The following MGRN1 variants were observed in gnomAD, a reference collection of about 807,000 sequenced individuals.
The protein encoded by MGRN1 is mahogunin ring finger 1.
In MGRN1, 29 loss-of-function variants were observed where a neutral mutation model predicts 69.2. The observed-to-expected ratio is 0.42, with a 90% confidence interval of 0.31 to 0.57. The LOEUF is 0.57. Ranked by LOEUF, MGRN1 falls within the 20% of genes least tolerant of loss-of-function variation. The pLI is 0.15. For synonymous variants in MGRN1, 470 were observed against 344.2 expected, an observed-to-expected ratio of 1.37 and a Z score of -4.04; for missense variants, 998 against 796.2, an observed-to-expected ratio of 1.25 and a Z score of -3.05.
rs1487334888 is a variant in MGRN1 at position 4,689,693 on chromosome 16, G to C, written c.*785G>C. 1.3e-5 allele frequency: 2 copies of C among 152,142 alleles called. No individual in the cohort carries two copies. Among genetic ancestry groups the C allele is most frequent in the African/African-American group, 4.8e-5 (2 of 41,418 alleles). The allele number at this position is 152,142 out of a possible 1,614,324, so 9.4% of individuals were successfully genotyped here. A position where few individuals can be genotyped will look rare whatever the true frequency, so the allele number is the denominator to read the frequency against. On this transcript the variant is annotated 3_prime_UTR_variant, in exon 17 of 17. Coordinates refer to ENST00000262370, the MANE Select transcript of MGRN1 (RefSeq NM_015246.4). The stretch of plus-strand genomic sequence containing the variant: ...AGGTGCAGGGGCTTCTGTTTGGCAG[G>C]CCCCTGCCAGGGAGGACCTGGTGGC...
At chr16:4,650,668 C>A (rs2078385416) in intron 2 of MGRN1, 185 bp downstream of exon 2, 2 of 481,014 alleles carry the variant, frequency 4.2e-6, no homozygotes, top group Admixed American at 4.0e-5. Context: ...TGTCCTGGTG[C>A]TGCCCCCTAG....
intron 5 of MGRN1, among the ~76,000 whole-genome samples, chr16:4,658,378 A>G (rs1273560351): frequency 1.3e-5 from 2 of 151,930 alleles, no homozygotes; most frequent in Non-Finnish European, 2.9e-5. Context: ...TACTAAAAAT[A>G]CAAAAAAATT....
intron 3 of MGRN1, 136 bp downstream of exon 3, chr16:4,652,187 G>A: frequency 2.6e-6 from 2 of 757,604 alleles, no homozygotes; most frequent in South Asian, 1.8e-5. Context: ...GGAATGAGAG[G>A]CTGTCCTGGG....
intron 10 of MGRN1, chr16:4,676,835 C>T (rs1337070097): frequency 6.6e-6 from 1 of 152,610 alleles, no homozygotes; most frequent in Non-Finnish European, 1.5e-5. Context: ...CTGTGCCCCT[C>T]AGCTTCCCCA....
intron 1 of MGRN1, among the ~76,000 whole-genome samples, chr16:4,646,428 A>C (rs957314569): frequency 6.7e-6 from 1 of 150,086 alleles, no homozygotes; most frequent in Non-Finnish European, 1.5e-5. Flanking sequence ...GTCTCAAAAA[A>C]AAAAAAAGCT....
At chr16:4,688,368 C>T (rs1035158182) in intron 16 of MGRN1, 38 of 998,134 alleles carry the variant, frequency 3.8e-5, no homozygotes, top group Non-Finnish European at 4.5e-5. Context: ...CGGGCTTGTT[C>T]TCACCCAGGG....
chr16:4,660,801 C>T (rs975697964), intron 5 of MGRN1, among the ~76,000 whole-genome samples: 1 of 152,150 alleles, frequency 6.6e-6, no homozygotes, highest in African/African-American at 2.4e-5. Flanking sequence ...AGGAAACAGG[C>T]TCACAAGGGG....
intron 1 of MGRN1, among the ~76,000 whole-genome samples, chr16:4,630,227 C>A (rs1482387837): frequency 6.6e-6 from 1 of 151,204 alleles, no homozygotes; most frequent in Non-Finnish European, 1.5e-5. Context: ...CAGCATGTGC[C>A]TGTAGTCCCA....
chr16:4,687,789 C>T (rs2079366300), intron 16 of MGRN1: 3 of 985,352 alleles, frequency 3.0e-6, no homozygotes, highest in Admixed American at 6.1e-5. Context: ...GGCCCTTTCC[C>T]CTTGGGTGGA....
chr16:4,655,490 G>T (rs953580768), intron 4 of MGRN1, among the ~76,000 whole-genome samples: 1 of 151,494 alleles, frequency 6.6e-6, no homozygotes, highest in African/African-American at 2.4e-5. Flanking sequence ...CAGTGCCACT[G>T]TCCCCCTCTG....
intron 10 of MGRN1, among the ~76,000 whole-genome samples, chr16:4,676,579 A>T (rs1185014982): frequency 6.6e-6 from 1 of 152,184 alleles, no homozygotes; most frequent in South Asian, 2.1e-4. Context: ...TGCTGTTCTC[A>T]GTAGAAATTG....
intron 1 of MGRN1, among the ~76,000 whole-genome samples, chr16:4,647,116 T>C (rs1024576907): frequency 2.6e-5 from 4 of 152,254 alleles, no homozygotes; most frequent in Admixed American, 2.0e-4. Flanking sequence ...CTTGCCGTGC[T>C]GCTGTGGCCC....
chr16:4,628,429 C>A lies in MGRN1; in HGVS notation c.88+3381C>A, dbSNP rs892800924. On this transcript the variant is annotated intron_variant, in intron 1 of 16. Coordinates refer to ENST00000262370, the MANE Select transcript of MGRN1 (RefSeq NM_015246.4). ...GGAGGGGACATTGAAGCAACAACAA[C>A]AAAAAAAAGAATTGTGCAGTCATCA... is the stretch of plus-strand genomic sequence containing the variant. Among the ~76,000 whole-genome samples, 8 of 148,078 alleles carry A rather than the reference C, an allele frequency of 5.4e-5. No homozygotes were observed. The East Asian group carries it at 1.2e-3, about 22-fold the overall frequency.
chr16:4,684,757 C>A (rs1053428904), intron 16 of MGRN1, among the ~76,000 whole-genome samples: 5 of 152,364 alleles, frequency 3.3e-5, no homozygotes, highest in Admixed American at 3.3e-4. Context: ...TCAGCACCTG[C>A]CACGAGGCTG....
intron 5 of MGRN1, among the ~76,000 whole-genome samples, chr16:4,661,017 T>G (rs1011330036): frequency 2.0e-5 from 3 of 152,184 alleles, no homozygotes; most frequent in Admixed American, 1.3e-4. Flanking sequence ...GGGCTCACTC[T>G]GTCTCCCAGG....
At chr16:4,657,503 C>T (rs370605864) in intron 5 of MGRN1, 140 bp downstream of exon 5, 30 of 817,212 alleles carry the variant, frequency 3.7e-5, no homozygotes, top group East Asian at 2.9e-4. Flanking sequence ...CCAGTCTGTG[C>T]TCAGGTGGAC....
chr16:4,655,008 G>C (rs566902500), intron 4 of MGRN1, among the ~76,000 whole-genome samples: 2 of 152,232 alleles, frequency 1.3e-5, no homozygotes, highest in Non-Finnish European at 2.9e-5. Flanking sequence ...GCTATGACAG[G>C]CGTCGAATTC....
chr16:4,649,783 G>A (rs2078359951), intron 1 of MGRN1: 1 of 153,634 alleles, frequency 6.5e-6, no homozygotes, highest in Non-Finnish European at 1.4e-5. Flanking sequence ...GCTGGCTGAT[G>A]GGCTGGGAGC....
chr16:4,642,750 A>G (rs1181987824), intron 1 of MGRN1, among the ~76,000 whole-genome samples: 1 of 151,172 alleles, frequency 6.6e-6, no homozygotes, highest in Non-Finnish European at 1.5e-5. Flanking sequence ...TACAGGGGTG[A>G]GCACCGTGCC....
Sources: allele counts gnomAD v4.1 joint callset (sites outside exome capture counted in the v4.1 genomes callset), GRCh38; gene constraint gnomAD v4.1.1; transcripts MANE v1.5; gene names NCBI Gene and HGNC (gene_info 2026-07-23, HGNC 2026-07-21).